The following KCNC2 variants were observed in gnomAD, a reference collection of about 807,000 sequenced individuals.
KCNC2 encodes the protein voltage-gated potassium channel KCNC2.
A neutral mutation model predicts 44.5 loss-of-function variants in KCNC2; 21 were observed. The observed-to-expected ratio is 0.47, with a 90% CI of 0.33 to 0.68. The LOEUF (loss-of-function observed/expected upper bound fraction) is 0.68, where lower values mean the gene tolerates loss of function less well. Among genes scored for constraint, KCNC2 ranks in the 30% least tolerant of loss-of-function variants. The pLI, the probability that KCNC2 is intolerant of heterozygous loss-of-function variation, is 0.01. For synonymous variants in KCNC2, 391 were observed against 339.1 expected (o/e 1.15, Z -1.68); for missense variants, 589 against 826.2 (o/e 0.71, Z 3.52).
intron 2 of KCNC2, among the ~76,000 whole-genome samples, chr12:75,144,615 T>C (rs1462512703): frequency 1.5e-5 from 2 of 135,688 alleles, no homozygotes; most frequent in Admixed American, 8.0e-5. Context: ...TATGTGGGTG[T>C]ACTTTTGTGT....
At chr12:75,170,045 TAAAAGA>T (rs548974884) in intron 2 of KCNC2, among the ~76,000 whole-genome samples, 1 of 151,720 alleles carries the variant, frequency 6.6e-6, no homozygotes, top group Non-Finnish European at 1.5e-5. Context: ...TATGACTAAG[TAAAAGA>T]AAAACAAGTT....
At chr12:75,206,526 C>T (rs544829580) in intron 2 of KCNC2, among the ~76,000 whole-genome samples, 41 of 152,288 alleles carry the variant, frequency 2.7e-4, no homozygotes, top group African/African-American at 9.9e-4. Context: ...ATAAAGTTTG[C>T]TCCAATCTAA....
At chr12:75,112,905 C>G (rs533815348) in intron 2 of KCNC2, among the ~76,000 whole-genome samples, 1 of 152,018 alleles carries the variant, frequency 6.6e-6, no homozygotes, top group Non-Finnish European at 1.5e-5. Flanking sequence ...CAATTGCCTA[C>G]GGTAGGCAAA....
chr12:75,109,969 G>C (rs1887095425), intron 2 of KCNC2, among the ~76,000 whole-genome samples: 1 of 150,510 alleles, frequency 6.6e-6, no homozygotes, highest in Non-Finnish European at 1.5e-5. Flanking sequence ...CAATGGACAG[G>C]AATATCACAA....
rs1465706398 is a variant in KCNC2, at chr12:75,042,517, C to T, written c.*588G>A. 1 of 1,426,098 alleles carries T rather than the reference C, an allele frequency of 7.0e-7. No individual in the cohort carries two copies. 88.3% of individuals were successfully genotyped at this position (1,426,098 alleles called of 1,614,324 possible). A position where few individuals can be genotyped will look rare whatever the true frequency, so the allele number is the denominator to read the frequency against. ...AATGTCAAGGAGAAAAGTGCCCTCC[C>T]TGCCCCACAATTCAACATGCAGAAC... On this transcript the variant is annotated 3_prime_UTR_variant, in exon 5 of 5. Coordinates refer to ENST00000549446, the MANE Select transcript of KCNC2 (RefSeq NM_139137.4).
intron 2 of KCNC2, among the ~76,000 whole-genome samples, chr12:75,081,154 G>T (rs1188070520): frequency 6.6e-6 from 1 of 151,986 alleles, no homozygotes; most frequent in African/African-American, 2.4e-5. Flanking sequence ...TGTTTCTTTA[G>T]CAATTTTTTT....
chr12:75,163,944 C>T (rs1177722656), intron 2 of KCNC2, among the ~76,000 whole-genome samples: 1 of 151,624 alleles, frequency 6.6e-6, no homozygotes, highest in Non-Finnish European at 1.5e-5. Flanking sequence ...CCCAGGTGTT[C>T]TCAAACTACC....
intron 4 of KCNC2, among the ~76,000 whole-genome samples, chr12:75,044,974 A>G (rs1880316525): frequency 6.6e-6 from 1 of 151,944 alleles, no homozygotes; most frequent in South Asian, 2.1e-4. Flanking sequence ...ATTTGTCCCT[A>G]AATAGAAATT....
chr12:75,144,654 G>T (rs568454757), intron 2 of KCNC2, among the ~76,000 whole-genome samples: 1 of 147,706 alleles, frequency 6.8e-6, no homozygotes, highest in Admixed American at 6.8e-5. Flanking sequence ...ATATATATAT[G>T]TACAACACAC....
At chr12:75,084,344 G>T (rs1884810443) in intron 2 of KCNC2, among the ~76,000 whole-genome samples, 1 of 142,320 alleles carries the variant, frequency 7.0e-6, no homozygotes. Flanking sequence ...ATACTATTAT[G>T]TGTCCAGTAT....
chr12:75,107,743 G>C lies in KCNC2; in HGVS notation c.688-56426C>G, dbSNP rs138414943. On this transcript the variant is annotated intron_variant, in intron 2 of 4. Coordinates refer to ENST00000549446, the MANE Select transcript of KCNC2 (RefSeq NM_139137.4). Reference sequence around the variant, plus strand: ...AAATCAATGTTTGAGTAAACTCTAAGAGCAAACAGAGAAAATTAATTCCTA... The same window carrying C: ...AAATCAATGTTTGAGTAAACTCTAACAGCAAACAGAGAAAATTAATTCCTA... Among the ~76,000 whole-genome samples, 409 of 152,196 alleles carry C rather than the reference G, an allele frequency of 2.7e-3. 9 individuals are homozygous for C. In the East Asian group the frequency reaches 0.04, roughly 15 times the overall value.
rs573781442 is a variant in KCNC2 at position 75,198,285 on chromosome 12, C to T, written c.687+9012G>A. On this transcript the variant is annotated intron_variant, in intron 2 of 4. Coordinates refer to ENST00000549446, the MANE Select transcript of KCNC2 (RefSeq NM_139137.4). ...AAATATGAAAGTTGCTCAACTTTGA[C>T]GCATCCACTAATTATTTTAGATGAT... 7.2e-5 allele frequency among the ~76,000 whole-genome samples: 11 copies of T among 151,858 alleles called. No homozygotes were observed. In the South Asian group the frequency reaches 1.9e-3, roughly 26 times the overall value.
At chr12:75,179,205 T>C (rs1892391797) in intron 2 of KCNC2, among the ~76,000 whole-genome samples, 1 of 151,960 alleles carries the variant, frequency 6.6e-6, no homozygotes, top group Admixed American at 6.6e-5. Flanking sequence ...TAGTAAAAAT[T>C]AGGCTTTCTG....
In KCNC2 at chr12:75,189,471, C is replaced by T. The variant is rs114077158; in HGVS notation, c.687+17826G>A. ...AGCAGTAGAAGCCTTTGGGGTCTAG[C>T]TTACTGAAAAGTGTACTTTTCCACC... is the stretch of plus-strand genomic sequence containing the variant. On this transcript the variant is annotated intron_variant, in intron 2 of 4. Coordinates refer to ENST00000549446, the MANE Select transcript of KCNC2 (RefSeq NM_139137.4). Among the ~76,000 whole-genome samples, 104 of 152,288 alleles carry T rather than the reference C, an allele frequency of 6.8e-4. 1 individual carries two copies. Among genetic ancestry groups the T allele is most frequent in the African/African-American group, 2.3e-3 (94 of 41,574 alleles).
Position 75,040,212 on chromosome 12 carries a change from G to A in KCNC2, c.*2893C>T, listed in dbSNP as rs201636657. 2.6e-5 allele frequency: 4 copies of A among 152,008 alleles called. No individual in the cohort carries two copies. The South Asian group carries it at 8.3e-4, about 32-fold the overall frequency. The allele number at this position is 152,008 out of a possible 1,614,324, so 9.4% of individuals were successfully genotyped here. On this transcript the variant is annotated 3_prime_UTR_variant, in exon 5 of 5. Coordinates refer to ENST00000549446, the MANE Select transcript of KCNC2 (RefSeq NM_139137.4). The stretch of plus-strand genomic sequence containing the variant: ...CATGCGCCTTGAAATGTTCACAAAA[G>A]GTCCACGATACAGGGATTTATAATA...
chr12:75,076,817 T>G (rs546651885), intron 2 of KCNC2, among the ~76,000 whole-genome samples: 2 of 152,344 alleles, frequency 1.3e-5, no homozygotes, highest in African/African-American at 4.8e-5. Context: ...TCTATCTCTA[T>G]CTATACAAAT....
intron 2 of KCNC2, among the ~76,000 whole-genome samples, chr12:75,144,640 G>GTGTGTGTA (rs1555216686): frequency 1.3e-5 from 2 of 149,242 alleles, no homozygotes; most frequent in Non-Finnish European, 3.0e-5. Flanking sequence ...GTGTGTGTGT[G>GTGTGTGTA]TATATATATA....
At chr12:75,105,333 T>G (rs1238541086) in intron 2 of KCNC2, among the ~76,000 whole-genome samples, 2 of 152,084 alleles carry the variant, frequency 1.3e-5, no homozygotes, top group Non-Finnish European at 2.9e-5. Context: ...GTCCAGTGTG[T>G]CAGAAACAGA....
At chr12:75,150,074 T>A (rs1890284645) in intron 2 of KCNC2, among the ~76,000 whole-genome samples, 1 of 151,860 alleles carries the variant, frequency 6.6e-6, no homozygotes, top group Admixed American at 6.6e-5. Context: ...GAATATAAAC[T>A]GACATTCTGC....
Sources: allele counts gnomAD v4.1 joint callset (sites outside exome capture counted in the v4.1 genomes callset), GRCh38; gene constraint gnomAD v4.1.1; transcripts MANE v1.5; gene names NCBI Gene and HGNC (gene_info 2026-07-23, HGNC 2026-07-21).